Variants in PHF21B observed in about 807,000 individuals in gnomAD.
The protein encoded by PHF21B is PHD finger protein 21B.
PHF21B carries 22 observed loss-of-function variants against 62.2 expected under a neutral mutation model. The observed-to-expected ratio is 0.35, with a 90% CI of 0.25 to 0.51. The LOEUF (loss-of-function observed/expected upper bound fraction) is 0.51. PHF21B is among the 20% of genes least tolerant of loss of function. The pLI, the probability that PHF21B is intolerant of heterozygous loss-of-function variation, is 0.97. For synonymous variants in PHF21B, 341 were observed against 314.7 expected (o/e 1.08, Z -0.88); for missense variants, 701 against 707.9 (o/e 0.99, Z 0.11).
At chr22:44,934,653 A>T (rs2071809386) in intron 2 of PHF21B, among the ~76,000 whole-genome samples, 1 of 152,298 alleles carries the variant, frequency 6.6e-6, no homozygotes, top group Non-Finnish European at 1.5e-5. Flanking sequence ...TTCCAAGCCA[A>T]GGGTAACATC....
At chr22:44,896,448 G>T (rs917525225) in intron 5 of PHF21B, among the ~76,000 whole-genome samples, 2 of 152,130 alleles carry the variant, frequency 1.3e-5, no homozygotes, top group African/African-American at 2.4e-5. Flanking sequence ...GATTCCCAAA[G>T]AAAGCATCTA....
At chr22:44,909,724 G>A (rs118138489) in intron 5 of PHF21B, among the ~76,000 whole-genome samples, 367 of 152,292 alleles carry the variant, frequency 2.4e-3, no homozygotes, top group Non-Finnish European at 3.9e-3. Context: ...TTTCCCACTC[G>A]TGTGCTATTG....
At chr22:44,884,293 T>TCAC (rs138736379) in intron 12 of PHF21B, among the ~76,000 whole-genome samples, 1 of 109,698 alleles carries the variant, frequency 9.1e-6, no homozygotes, top group African/African-American at 4.6e-5. Flanking sequence ...ATCACCATTA[T>TCAC]CACCACCACC....
chr22:45,004,635 C>G (rs1344687360), intron 2 of PHF21B, among the ~76,000 whole-genome samples: 1 of 152,088 alleles, frequency 6.6e-6, no homozygotes, highest in Admixed American at 6.5e-5. Flanking sequence ...GAGGAGAGTT[C>G]GGAAAACAGA....
chr22:44,919,372 T>C (rs2071495241), intron 3 of PHF21B, among the ~76,000 whole-genome samples: 1 of 152,218 alleles, frequency 6.6e-6, no homozygotes, highest in African/African-American at 2.4e-5. Flanking sequence ...TTTTTGCCAT[T>C]TTTTTCCCTT....
chr22:44,914,088 G>T lies in PHF21B; in HGVS notation c.565C>A (p.Pro189Thr), dbSNP rs1242652187. The T allele has an allele frequency of 4.1e-6, 4 of 973,300 alleles. No homozygotes were observed. The highest frequency in any genetic ancestry group is 2.2e-5 in the Admixed American group (1 of 45,776). 60.3% of individuals were successfully genotyped at this position (973,300 alleles called of 1,614,324 possible). The change falls in exon 5 of 13, where the codon CCT (proline) becomes ACT (threonine). Residue 189 changes from proline (P) to threonine (T), a missense_variant and splice_region_variant. By Grantham distance (38) the Pro-to-Thr change is conservative. Transcript: ENST00000313237. ...QPLLISADNK[P>T]PPRLLSSPHP... ...GGGGAAGAGAGGAGGCGTGGAGGAG[G>T]CTGGAGAGCGAGGGTGAGGGGCACA...
intron 2 of PHF21B, among the ~76,000 whole-genome samples, chr22:44,960,198 G>T (rs2072390061): frequency 6.6e-6 from 1 of 152,190 alleles, no homozygotes; most frequent in African/African-American, 2.4e-5. Context: ...CAAGCCACGG[G>T]ACCCAAGGCT....
intron 5 of PHF21B, chr22:44,901,899 C>G (rs540479226): frequency 4.1e-6 from 1 of 245,194 alleles, no homozygotes; most frequent in African/African-American, 2.3e-5. Flanking sequence ...GCTGGTTCAA[C>G]TTCACAAAAT....
At chr22:44,951,106 C>T (rs1041553891) in intron 2 of PHF21B, among the ~76,000 whole-genome samples, 5 of 152,148 alleles carry the variant, frequency 3.3e-5, no homozygotes, top group Non-Finnish European at 5.9e-5. Context: ...CTTAAGCACC[C>T]GCCACTCACA....
intron 5 of PHF21B, among the ~76,000 whole-genome samples, chr22:44,904,548 C>T (rs2071216936): frequency 1.1e-5 from 1 of 93,252 alleles, no homozygotes; most frequent in African/African-American, 4.0e-5. Flanking sequence ...CTGAGACTCC[C>T]CCTGCATCCC....
At chr22:45,008,883 G>A (rs2073375335) in intron 1 of PHF21B, 2 of 1,175,642 alleles carry the variant, frequency 1.7e-6, no homozygotes, top group Non-Finnish European at 1.1e-6. Context: ...CAAGTTTGCA[G>A]GCCGGGGTGC....
At chr22:44,909,434 C>G (rs1437528275) in intron 5 of PHF21B, among the ~76,000 whole-genome samples, 1 of 152,238 alleles carries the variant, frequency 6.6e-6, no homozygotes, top group Non-Finnish European at 1.5e-5. Context: ...ATGGAACGGA[C>G]TTTCTTGAGA....
At chr22:45,004,577 T>G (rs1156548696) in intron 2 of PHF21B, among the ~76,000 whole-genome samples, 1 of 152,226 alleles carries the variant, frequency 6.6e-6, no homozygotes, top group Non-Finnish European at 1.5e-5. Flanking sequence ...ACTGGCACTT[T>G]ACATCAGAGA....
At chr22:44,963,023 G>C (rs2072455501) in intron 2 of PHF21B, among the ~76,000 whole-genome samples, 1 of 152,176 alleles carries the variant, frequency 6.6e-6, no homozygotes, top group Non-Finnish European at 1.5e-5. Flanking sequence ...AACAACCCTG[G>C]GCAGACATTG....
chr22:45,003,724 G>GTT (rs2073261278), intron 2 of PHF21B: 1 of 152,216 alleles, frequency 6.6e-6, no homozygotes, highest in Non-Finnish European at 1.5e-5. Context: ...ACTCACAACA[G>GTT]GAAAAGGTGG....
intron 2 of PHF21B, among the ~76,000 whole-genome samples, chr22:44,999,377 C>CTT (rs748023002): frequency 4.3e-4 from 66 of 152,102 alleles, no homozygotes; most frequent in Non-Finnish European, 8.8e-4. Flanking sequence ...AAGGGCTTGG[C>CTT]TTTTGTGCTG....
chr22:44,907,990 T>C (rs1175186632), intron 5 of PHF21B, among the ~76,000 whole-genome samples: 3 of 152,234 alleles, frequency 2.0e-5, no homozygotes, highest in Non-Finnish European at 4.4e-5. Context: ...AGGCTGGTAA[T>C]GCGGCCCCTT....
Position 44,916,553 on chromosome 22 carries a change from T to C in PHF21B, c.291A>G (p.Thr97=), listed in dbSNP as rs1307602378. Residue 97 remains threonine (T), a synonymous_variant, in exon 4 of 13, where the codon ACA becomes ACG. Coordinates refer to ENST00000313237, the MANE Select transcript of PHF21B (RefSeq NM_138415.5). ...GRDRPPKQPP[T]FQKATVVSVK... is the part of the protein sequence containing the mutation. Reference sequence around the variant, plus strand: ...CGCTGACCACGGTGGCCTTCTGGAATGTTGGGGGCTGCTTGGGTGGCCGGT... The same window carrying C: ...CGCTGACCACGGTGGCCTTCTGGAACGTTGGGGGCTGCTTGGGTGGCCGGT... 2 of 1,608,522 alleles carry C rather than the reference T, an allele frequency of 1.2e-6. No homozygotes were observed. Among genetic ancestry groups the C allele is most frequent in the African/African-American group, 2.7e-5 (2 of 74,872 alleles).
At chr22:44,921,776 A>G (rs1285698633) in intron 2 of PHF21B, among the ~76,000 whole-genome samples, 4 of 151,864 alleles carry the variant, frequency 2.6e-5, no homozygotes, top group Non-Finnish European at 5.9e-5. Flanking sequence ...CTCCCGCCTC[A>G]GCCTCCCGAG....
Sources: gnomAD v4.1 joint callset for allele counts (sites outside exome capture counted in the v4.1 genomes callset) on GRCh38, gnomAD v4.1.1 for gene constraint, MANE v1.5 for transcripts, NCBI Gene and HGNC (gene_info 2026-07-23, HGNC 2026-07-21) for gene names.